Variants in SLC35F4 observed in about 807,000 individuals in gnomAD.
SLC35F4 encodes solute carrier family 35 member F4.
Under a neutral mutation model 44.2 loss-of-function variants are expected in SLC35F4, and 24 were observed. The observed-to-expected ratio is 0.54, with a 90% CI of 0.39 to 0.76. The LOEUF (loss-of-function observed/expected upper bound fraction) is 0.76. Among genes scored for constraint, SLC35F4 ranks in the 30% least tolerant of loss-of-function variants. The pLI, the probability that SLC35F4 is intolerant of heterozygous loss-of-function variation, is 0.00. For synonymous variants in SLC35F4, 238 were observed against 223.6 expected (o/e 1.06, Z -0.57); for missense variants, 562 against 586.1 (o/e 0.96, Z 0.42).
chr14:57,606,139 T>C (rs1043486193), intron 1 of SLC35F4, among the ~76,000 whole-genome samples: 1 of 152,168 alleles, frequency 6.6e-6, no homozygotes, highest in African/African-American at 2.4e-5. Context: ...GAAAAGTCTA[T>C]GCTATATGAA....
At chr14:57,764,827 C>T (rs17804615) in intron 1 of SLC35F4, among the ~76,000 whole-genome samples, 5 of 152,050 alleles carry the variant, frequency 3.3e-5, no homozygotes, top group African/African-American at 9.7e-5. Context: ...AACAACTGAG[C>T]GTTCTGTACA....
At chr14:57,916,537 A>C (rs952317398) in intron 1 of SLC35F4, among the ~76,000 whole-genome samples, 1 of 152,084 alleles carries the variant, frequency 6.6e-6, no homozygotes, top group Non-Finnish European at 1.5e-5. Flanking sequence ...ACTGGGGGGA[A>C]ATTCTTAGTC....
intron 1 of SLC35F4, chr14:57,630,411 C>A (rs2072712599): frequency 1.5e-6 from 1 of 683,878 alleles, no homozygotes; most frequent in African/African-American, 1.8e-5. Flanking sequence ...TGAAATTAAT[C>A]TTTTTCAAAA....
Position 57,696,220 on chromosome 14 carries a change from TAAAC to T in SLC35F4, c.104-102100_104-102097del, listed in dbSNP as rs1287049365. Among the ~76,000 whole-genome samples, 3 of 152,072 alleles carry T rather than the reference TAAAC, an allele frequency of 2.0e-5. No individual in the cohort carries two copies. The East Asian group carries it at 5.8e-4, about 29-fold the overall frequency. On this transcript the variant is annotated intron_variant, in intron 1 of 7. Transcript: ENST00000556826. Reference sequence around the variant, plus strand: ...TAGTATCCAGAATTTACAAGGAACTTAAACAAATTTATAAGAAAAAAACAAACTC... The same window carrying T: ...TAGTATCCAGAATTTACAAGGAACTTAAATTTATAAGAAAAAAACAAACTC...
At chr14:57,717,107 A>T (rs1092046) in intron 1 of SLC35F4, among the ~76,000 whole-genome samples, 135,926 of 152,194 alleles carry the variant, frequency 0.89, 61,232 homozygotes, top group Non-Finnish European at 0.96. Flanking sequence ...CCTTTTATGT[A>T]GATGAACCCT....
chr14:57,626,579 C>T, intron 1 of SLC35F4, among the ~76,000 whole-genome samples: 1 of 152,062 alleles, frequency 6.6e-6, no homozygotes, highest in East Asian at 1.9e-4. Context: ...TGGTCCATAA[C>T]TTAAATTGCA....
At chr14:57,820,224 C>CAT (rs1286763736) in intron 1 of SLC35F4, among the ~76,000 whole-genome samples, 1 of 152,116 alleles carries the variant, frequency 6.6e-6, no homozygotes, top group African/African-American at 2.4e-5. Context: ...TCTATAAACA[C>CAT]ATACACACAC....
chr14:57,692,053 A>G (rs2075249291), intron 1 of SLC35F4, among the ~76,000 whole-genome samples: 1 of 152,198 alleles, frequency 6.6e-6, no homozygotes, highest in African/African-American at 2.4e-5. Context: ...GGAAAACTAG[A>G]TTGTGATGAG....
chr14:57,680,831 C>G (rs2074872705), intron 1 of SLC35F4, among the ~76,000 whole-genome samples: 1 of 152,016 alleles, frequency 6.6e-6, no homozygotes, highest in South Asian at 2.1e-4. Context: ...AGGACCTCTT[C>G]AAAGAGAACT....
At chr14:57,640,692 C>G (rs1360453442) in intron 1 of SLC35F4, among the ~76,000 whole-genome samples, 2 of 152,004 alleles carry the variant, frequency 1.3e-5, no homozygotes, top group Non-Finnish European at 2.9e-5. Flanking sequence ...TATAGTCACA[C>G]AGAGCCCTGA....
At chr14:57,854,772 C>A (rs549383196) in intron 1 of SLC35F4, among the ~76,000 whole-genome samples, 11 of 152,320 alleles carry the variant, frequency 7.2e-5, no homozygotes, top group African/African-American at 2.2e-4. Flanking sequence ...TCACAGATGG[C>A]TTCCAGCCCA....
At position 57,876,066 on chromosome 14, in the gene SLC35F4, T is replaced by A. The variant is rs181801185; in HGVS notation, n.282+105847A>T. Reference sequence around the variant, plus strand: ...CTGCAACAACGAGATTTGGTCTGAATAGAAACTGCAACCTTTTGCATGACA... The same window carrying A: ...CTGCAACAACGAGATTTGGTCTGAAAAGAAACTGCAACCTTTTGCATGACA... On this transcript the variant is annotated intron_variant and non_coding_transcript_variant, in intron 1 of 1. Transcript: ENST00000556568. Among the ~76,000 whole-genome samples, 18 of 152,316 alleles carry A rather than the reference T, an allele frequency of 1.2e-4. No individual in the cohort carries two copies. The East Asian group carries it at 2.5e-3, about 21-fold the overall frequency.
chr14:57,833,085 C>G (rs1240039471), intron 1 of SLC35F4, among the ~76,000 whole-genome samples: 1 of 152,106 alleles, frequency 6.6e-6, no homozygotes, highest in Non-Finnish European at 1.5e-5. Context: ...AGAACAAGAA[C>G]AAAAGTTCTC....
chr14:57,716,178 A>AG (rs2075936186), intron 1 of SLC35F4, among the ~76,000 whole-genome samples: 1 of 152,098 alleles, frequency 6.6e-6, no homozygotes, highest in Non-Finnish European at 1.5e-5. Flanking sequence ...CCATTAGGGG[A>AG]GGGGGCATGG....
At chr14:57,948,838 T>C (rs577204980) in intron 1 of SLC35F4, among the ~76,000 whole-genome samples, 6 of 152,286 alleles carry the variant, frequency 3.9e-5, no homozygotes, top group African/African-American at 9.6e-5. Context: ...TGTATTTGTA[T>C]AGTTTTAAAA....
intron 1 of SLC35F4, among the ~76,000 whole-genome samples, chr14:57,961,277 G>A (rs1382834920): frequency 9.2e-5 from 14 of 152,138 alleles, no homozygotes; most frequent in Admixed American, 9.2e-4. Flanking sequence ...TTGGCTTACT[G>A]GGAGGTGTAG....
intron 1 of SLC35F4, among the ~76,000 whole-genome samples, chr14:57,621,606 C>T (rs1595075878): frequency 1.3e-5 from 2 of 152,186 alleles, no homozygotes; most frequent in Non-Finnish European, 2.9e-5. Context: ...GGAAAACTGG[C>T]TAGCCATATG....
chr14:57,978,736 T>C (rs752970370), intron 1 of SLC35F4, among the ~76,000 whole-genome samples: 4 of 152,206 alleles, frequency 2.6e-5, no homozygotes, highest in African/African-American at 4.8e-5. Context: ...ACAGAATTTA[T>C]GTTTTCTCAC....
chr14:57,614,049 A>G (rs369565562), intron 1 of SLC35F4, among the ~76,000 whole-genome samples: 14 of 152,250 alleles, frequency 9.2e-5, no homozygotes, highest in African/African-American at 3.4e-4. Flanking sequence ...TTTCTGACTT[A>G]TAAACTGGAG....
Sources: allele counts gnomAD v4.1 joint callset (sites outside exome capture counted in the v4.1 genomes callset), GRCh38; gene constraint gnomAD v4.1.1; transcripts MANE v1.5; gene names NCBI Gene and HGNC (gene_info 2026-07-23, HGNC 2026-07-21).